Variants in WNT3 observed in about 807,000 individuals in gnomAD.
WNT3 encodes Wnt family member 3, also known as proto-oncogene Wnt-3.
A neutral mutation model predicts 34.2 loss-of-function variants in WNT3; 7 were observed. The ratio of observed to expected loss-of-function variants is 0.20; its 90% confidence interval spans 0.12 to 0.38. The LOEUF is 0.38. Ranked by LOEUF, WNT3 falls within the 10% of genes least tolerant of loss-of-function variation. The pLI, the probability that WNT3 is intolerant of heterozygous loss-of-function variation, is 1.00. For synonymous variants in WNT3, 212 were observed against 211.5 expected (o/e 1.00, Z -0.02); for missense variants, 267 against 499.8 (o/e 0.53, Z 4.44).
rs565260076 is a variant in WNT3 at position 46,818,333 on chromosome 17, A to T, written c.80+185T>A. 4.3e-5 allele frequency among the ~76,000 whole-genome samples: 6 copies of T among 138,278 alleles called. No individual in the cohort carries two copies. The South Asian group carries it at 1.4e-3, about 32-fold the overall frequency. 90.7% of individuals were successfully genotyped at this position (138,278 alleles called of 152,430 possible). ...CAGGGAAAATGGTGATTATCAGAGG[A>T]GCCAGGAGTTGGATTCTGAAGGCGA... On this transcript the variant is annotated intron_variant, in intron 1 of 4. Coordinates refer to ENST00000225512, the MANE Select transcript of WNT3 (RefSeq NM_030753.5).
At chr17:46,799,367 T>C (rs2084094704) in intron 1 of WNT3, among the ~76,000 whole-genome samples, 2 of 152,186 alleles carry the variant, frequency 1.3e-5, no homozygotes, top group African/African-American at 2.4e-5. Flanking sequence ...GGAGAGAATA[T>C]TTTTATAACC....
intron 1 of WNT3, among the ~76,000 whole-genome samples, chr17:46,810,011 T>C (rs868548153): frequency 1.3e-5 from 2 of 148,780 alleles, no homozygotes; most frequent in Non-Finnish European, 3.0e-5. Flanking sequence ...TTTCTTTTTT[T>C]TTTTTTTTTT....
rs1311033034 is a variant in WNT3, at chr17:46,818,367, G to A, written c.80+151C>T. 9.7e-6 allele frequency: 7 copies of A among 719,148 alleles called. No homozygotes were observed. The African/African-American group carries it at 1.5e-4, about 15-fold the overall frequency. 44.5% of individuals were successfully genotyped at this position (719,148 alleles called of 1,614,324 possible). ...TTGGATTCTGAAGGCGACACCAGCA[G>A]AAAATCCAGGAGGGGTGGGCGGGTG... On this transcript the variant is annotated intron_variant, in intron 1 of 4. Coordinates refer to ENST00000225512, the MANE Select transcript of WNT3 (RefSeq NM_030753.5).
rs1454901169 is a variant in WNT3, at chr17:46,764,221, G to A, written c.*409C>T. On this transcript the variant is annotated 3_prime_UTR_variant, in exon 5 of 5. Transcript: ENST00000225512. ...GGAATGTCACCAGAAGCAGCAGTTT[G>A]GAAACAGAACCTTGCCCATGCTGAT... is the stretch of plus-strand genomic sequence containing the variant. The A allele has an allele frequency of 6.6e-6, 1 of 152,604 alleles. No homozygotes were observed. Among genetic ancestry groups the A allele is most frequent in the Non-Finnish European group, 1.5e-5 (1 of 68,070 alleles). 9.5% of individuals were successfully genotyped at this position (152,604 alleles called of 1,614,324 possible).
intron 1 of WNT3, among the ~76,000 whole-genome samples, chr17:46,814,872 TAGGC>T (rs1326882115): frequency 6.6e-6 from 1 of 152,136 alleles, no homozygotes; most frequent in Non-Finnish European, 1.5e-5. Context: ...AGGTAGGTCT[TAGGC>T]AGGTGCTCGA....
chr17:46,771,690 C>G (rs2059372314), intron 2 of WNT3, among the ~76,000 whole-genome samples: 1 of 143,742 alleles, frequency 7.0e-6, no homozygotes, highest in East Asian at 2.1e-4. Context: ...CGGGCGGCTC[C>G]CGCGGCCGGG....
At chr17:46,777,592 C>G (rs1049265138) in intron 1 of WNT3, among the ~76,000 whole-genome samples, 1 of 152,272 alleles carries the variant, frequency 6.6e-6, no homozygotes, top group Non-Finnish European at 1.5e-5. Flanking sequence ...TTCCTTCTGT[C>G]CCCACAGTTA....
At chr17:46,790,236 T>G (rs1277393082) in intron 1 of WNT3, among the ~76,000 whole-genome samples, 1 of 152,146 alleles carries the variant, frequency 6.6e-6, no homozygotes, top group Non-Finnish European at 1.5e-5. Flanking sequence ...TTTGCAAACA[T>G]GCACTCAGCA....
chr17:46,804,922 C>G (rs1290198983), intron 1 of WNT3, among the ~76,000 whole-genome samples: 1 of 136,500 alleles, frequency 7.3e-6, no homozygotes. Context: ...CCCGCCCACC[C>G]CCCCCACCCC....
At chr17:46,815,574 GA>G (rs1308502142) in intron 1 of WNT3, among the ~76,000 whole-genome samples, 1 of 152,066 alleles carries the variant, frequency 6.6e-6, no homozygotes, top group Non-Finnish European at 1.5e-5. Flanking sequence ...AGTGGGGGCA[GA>G]AATGGGATCA....
intron 1 of WNT3, among the ~76,000 whole-genome samples, chr17:46,797,605 A>G (rs2084071596): frequency 6.6e-6 from 1 of 152,238 alleles, no homozygotes; most frequent in Non-Finnish European, 1.5e-5. Flanking sequence ...TGTAAAGCTC[A>G]ACATTCACAC....
chr17:46,804,810 G>C (rs947232759), intron 1 of WNT3, among the ~76,000 whole-genome samples: 4 of 152,164 alleles, frequency 2.6e-5, no homozygotes, highest in Non-Finnish European at 5.9e-5. Flanking sequence ...TCAGTGCTCT[G>C]TAGCTAGCTA....
chr17:46,807,057 G>A (rs555750920), intron 1 of WNT3, among the ~76,000 whole-genome samples: 17 of 152,180 alleles, frequency 1.1e-4, no homozygotes, highest in Admixed American at 2.6e-4. Context: ...GGCCAGGAAC[G>A]AGAGACAGTC....
rs1366758385 is a variant in WNT3, at chr17:46,815,746, T to C, written c.80+2772A>G. On this transcript the variant is annotated intron_variant, in intron 1 of 4. Coordinates refer to ENST00000225512, the MANE Select transcript of WNT3 (RefSeq NM_030753.5). ...GACAAGCTGGTGTCAAGGAAGCCTG[T>C]GCCCCTGCCTCTCTAGCTTGCCATC... 6.6e-5 allele frequency among the ~76,000 whole-genome samples: 10 copies of C among 152,182 alleles called. No individual in the cohort carries two copies. In the East Asian group the frequency reaches 1.7e-3, roughly 26 times the overall value.
At chr17:46,782,464 G>A (rs2059469694) in intron 1 of WNT3, among the ~76,000 whole-genome samples, 1 of 152,190 alleles carries the variant, frequency 6.6e-6, no homozygotes, top group Non-Finnish European at 1.5e-5. Flanking sequence ...TTGTTCCTGG[G>A]CCCAGAAGGG....
chr17:46,809,763 G>C (rs936627923), intron 1 of WNT3, among the ~76,000 whole-genome samples: 1 of 151,958 alleles, frequency 6.6e-6, no homozygotes. Context: ...CTGTGAACCT[G>C]GGTATGCCCC....
At chr17:46,781,494 A>C (rs112882585) in intron 1 of WNT3, among the ~76,000 whole-genome samples, 1 of 152,320 alleles carries the variant, frequency 6.6e-6, no homozygotes, top group Non-Finnish European at 1.5e-5. Context: ...CAGCAACCAG[A>C]CACATAAGGA....
intron 1 of WNT3, among the ~76,000 whole-genome samples, chr17:46,785,069 G>A (rs1323993585): frequency 6.6e-6 from 1 of 152,132 alleles, no homozygotes; most frequent in African/African-American, 2.4e-5. Context: ...GAGCCACCGT[G>A]CCCGGCCTCC....
intron 1 of WNT3, among the ~76,000 whole-genome samples, chr17:46,794,842 C>G (rs1044311488): frequency 6.6e-6 from 1 of 151,692 alleles, no homozygotes; most frequent in Non-Finnish European, 1.5e-5. Flanking sequence ...CCTGCACCTC[C>G]CAGGTTCAAG....
Sources: allele counts gnomAD v4.1 joint callset (sites outside exome capture counted in the v4.1 genomes callset), GRCh38; gene constraint gnomAD v4.1.1; transcripts MANE v1.5; gene names NCBI Gene and HGNC (gene_info 2026-07-23, HGNC 2026-07-21).